The following SHANK2 variants were observed in gnomAD, a reference collection of about 807,000 sequenced individuals.
SHANK2 encodes SH3 and multiple ankyrin repeat domains protein 2.
A neutral mutation model predicts 133.7 loss-of-function variants in SHANK2; 43 were observed. That is an observed-to-expected ratio of 0.32 (90% CI 0.25 to 0.41). SHANK2 has a LOEUF of 0.41. Ranked by LOEUF, SHANK2 falls within the 10% of genes least tolerant of loss-of-function variation. SHANK2 has a pLI of 1.00. For synonymous variants in SHANK2, 1,017 were observed against 952.8 expected (o/e 1.07, Z -1.24); for missense variants, 1,994 against 2,235.8 (o/e 0.89, Z 2.18).
At chr11:70,585,859 C>T (rs1218492531) in intron 17 of SHANK2, among the ~76,000 whole-genome samples, 1 of 126,116 alleles carries the variant, frequency 7.9e-6, no homozygotes, top group East Asian at 2.6e-4. Flanking sequence ...TGCATTTGTC[C>T]ATCCAATTAG....
intron 6 of SHANK2, among the ~76,000 whole-genome samples, chr11:71,105,188 C>T (rs1378187292): frequency 2.0e-5 from 3 of 152,200 alleles, no homozygotes; most frequent in Non-Finnish European, 2.9e-5. Flanking sequence ...GGCCTGGAGG[C>T]ACCTTCCGCA....
At chr11:70,767,034 G>A (rs566172022) in intron 14 of SHANK2, among the ~76,000 whole-genome samples, 79 of 152,346 alleles carry the variant, frequency 5.2e-4, no homozygotes, top group Non-Finnish European at 4.9e-4. Context: ...GCACGGACAC[G>A]GGGAGGCATC....
intron 2 of SHANK2, among the ~76,000 whole-genome samples, chr11:71,210,579 C>T (rs982138888): frequency 3.9e-5 from 6 of 151,924 alleles, no homozygotes; most frequent in Non-Finnish European, 7.4e-5. Flanking sequence ...ATGTAATGTG[C>T]TTTTGTTTCT....
At chr11:70,714,297 C>T (rs1353627844) in intron 14 of SHANK2, among the ~76,000 whole-genome samples, 5 of 152,232 alleles carry the variant, frequency 3.3e-5, no homozygotes, top group Non-Finnish European at 4.4e-5. Context: ...CAGCTATGCC[C>T]ACCTGGCCCC....
intron 9 of SHANK2, among the ~76,000 whole-genome samples, chr11:71,056,869 G>GAAGAA (rs1269578578): frequency 3.0e-5 from 4 of 132,970 alleles, no homozygotes; most frequent in Non-Finnish European, 5.9e-5. Context: ...GAAAAGAAAA[G>GAAGAA]AAGAAAAGAA....
chr11:70,787,075 GACC>G (rs1195970273), intron 14 of SHANK2, among the ~76,000 whole-genome samples: 1 of 122,830 alleles, frequency 8.1e-6, no homozygotes, highest in African/African-American at 3.3e-5. Context: ...TCAGCACCAT[GACC>G]ACCACCACCA....
intron 11 of SHANK2, among the ~76,000 whole-genome samples, chr11:70,839,434 T>C (rs1948870700): frequency 6.6e-6 from 1 of 152,032 alleles, no homozygotes; most frequent in African/African-American, 2.4e-5. Context: ...CACACCCCCC[T>C]GGTAGAGAGG....
chr11:71,162,042 A>G (rs1953030607), intron 2 of SHANK2, among the ~76,000 whole-genome samples: 1 of 152,132 alleles, frequency 6.6e-6, no homozygotes, highest in African/African-American at 2.4e-5. Flanking sequence ...CCCCTGTAGC[A>G]TTTTCTGCTT....
intron 17 of SHANK2, among the ~76,000 whole-genome samples, chr11:70,542,222 T>G (rs1278303208): frequency 6.6e-6 from 1 of 152,196 alleles, no homozygotes; most frequent in African/African-American, 2.4e-5. Context: ...TTTGTAGATA[T>G]AATTAAGTTA....
At chr11:70,613,361 G>A (rs1031833614) in intron 17 of SHANK2, among the ~76,000 whole-genome samples, 1 of 152,060 alleles carries the variant, frequency 6.6e-6, no homozygotes, top group South Asian at 2.1e-4. Context: ...CCGTTGCCAT[G>A]TCCAGCTAAT....
chr11:71,169,754 CAA>C (rs35339054), intron 2 of SHANK2, among the ~76,000 whole-genome samples: 14 of 90,308 alleles, frequency 1.6e-4, no homozygotes, highest in Admixed American at 5.1e-4. Flanking sequence ...GACTCCATCT[CAA>C]AAAAAAAAAA....
chr11:70,713,110 G>A (rs1437772432), intron 14 of SHANK2, among the ~76,000 whole-genome samples: 9 of 152,350 alleles, frequency 5.9e-5, no homozygotes, highest in Admixed American at 5.9e-4. Context: ...TGTGGGCAGG[G>A]GAGGCACCAG....
intron 11 of SHANK2, among the ~76,000 whole-genome samples, chr11:70,837,436 C>T (rs1948836541): frequency 6.6e-6 from 1 of 152,246 alleles, no homozygotes; most frequent in Admixed American, 6.5e-5. Context: ...CTTGTGCATT[C>T]ACGCTCATGG....
intron 11 of SHANK2, among the ~76,000 whole-genome samples, chr11:70,877,970 C>G (rs948088796): frequency 6.6e-6 from 1 of 152,200 alleles, no homozygotes; most frequent in Non-Finnish European, 1.5e-5. Context: ...AAAGAGAAGA[C>G]GTTAACACCT....
rs74966461 is a variant in SHANK2, at chr11:70,642,038, G to A, written c.2061+17790C>T. Among the ~76,000 whole-genome samples the A allele has an allele frequency of 5.4e-3, 822 of 152,308 alleles. 7 individuals are homozygous for A. Among genetic ancestry groups the A allele is most frequent in the African/African-American group, 0.018 (766 of 41,570 alleles). ...TGGGTCTGGAGAGAAGGCTACGGGG[G>A]ACTGGGTACCAGGATGGGTAAGGTC... is the stretch of plus-strand genomic sequence containing the variant. On this transcript the variant is annotated intron_variant, in intron 17 of 25. Coordinates refer to ENST00000601538, the MANE Select transcript of SHANK2 (RefSeq NM_012309.5).
chr11:70,681,703 T>C (rs1555018426), intron 15 of SHANK2, among the ~76,000 whole-genome samples: 1 of 152,078 alleles, frequency 6.6e-6, no homozygotes, highest in Non-Finnish European at 1.5e-5. Context: ...CTCCTGCCCA[T>C]GCCTTTTGGT....
intron 2 of SHANK2, among the ~76,000 whole-genome samples, chr11:71,164,695 G>A (rs1369791527): frequency 6.6e-6 from 1 of 152,208 alleles, no homozygotes; most frequent in African/African-American, 2.4e-5. Flanking sequence ...AACATATTTA[G>A]TGTATAGATG....
At chr11:71,085,782 T>A (rs1488140661) in intron 8 of SHANK2, among the ~76,000 whole-genome samples, 3 of 73,780 alleles carry the variant, frequency 4.1e-5, no homozygotes, top group Non-Finnish European at 6.8e-5. Context: ...ATATTTATAT[T>A]ATATAATATA....
intron 15 of SHANK2, among the ~76,000 whole-genome samples, chr11:70,670,933 G>A (rs746831611): frequency 2.0e-4 from 30 of 152,324 alleles, no homozygotes; most frequent in Non-Finnish European, 4.1e-4. Flanking sequence ...CATGCAGCCC[G>A]CACACCCGTG....
Sources: allele counts gnomAD v4.1 joint callset (sites outside exome capture counted in the v4.1 genomes callset), GRCh38; gene constraint gnomAD v4.1.1; transcripts MANE v1.5; gene names NCBI Gene and HGNC (gene_info 2026-07-23, HGNC 2026-07-21).